AGBL1: variants seen among roughly 807,000 people sequenced by gnomAD.
AGBL1 encodes cytosolic carboxypeptidase 4.
A neutral mutation model predicts 118.9 loss-of-function variants in AGBL1; 130 were observed. That is an observed-to-expected ratio of 1.09 (90% confidence interval 0.95 to 1.26). The LOEUF (loss-of-function observed/expected upper bound fraction) is 1.26. Among genes scored for constraint, AGBL1 ranks in the 50% most tolerant of loss-of-function variants. The pLI is 0.00. For synonymous variants in AGBL1, 555 were observed against 478.9 expected, an observed-to-expected ratio of 1.16 and a Z score of -2.08; for missense variants, 1,584 against 1,298.1, an observed-to-expected ratio of 1.22 and a Z score of -3.38.
At position 86,615,187 on chromosome 15, in the gene AGBL1, C is replaced by T. The variant is rs1012670976; in HGVS notation, c.2995-59086C>T. On this transcript the variant is annotated intron_variant, in intron 21 of 22. Transcript: ENST00000614907. This position sits in a 1 kb window ranked among gnomAD's most constrained non-coding sequence, Gnocchi z 4.3. ...GAGTAATTCTAGCAGATTTGCCTTC[C>T]AGATGCCTCTGCCAGCAATGCGGGA... is the stretch of plus-strand genomic sequence containing the variant. 6.6e-6 allele frequency among the ~76,000 whole-genome samples: 1 copy of T among 152,138 alleles called. No individual in the cohort carries two copies. Among genetic ancestry groups the T allele is most frequent in the Non-Finnish European group, 1.5e-5 (1 of 68,022 alleles).
intron 18 of AGBL1, among the ~76,000 whole-genome samples, chr15:86,433,241 TCTCCTC>T (rs921701396): frequency 2.1e-5 from 3 of 142,182 alleles, no homozygotes; most frequent in East Asian, 2.4e-4. Flanking sequence ...TCCTCCTCCT[TCTCCTC>T]CTCCTCCTCC....
chr15:86,345,251 T>C (rs2080519001), intron 17 of AGBL1, among the ~76,000 whole-genome samples: 1 of 152,022 alleles, frequency 6.6e-6, no homozygotes, highest in South Asian at 2.1e-4. Context: ...AAGCTATAAC[T>C]ATTATTCAAA....
chr15:86,434,373 T>C (rs188131007), intron 18 of AGBL1, among the ~76,000 whole-genome samples: 4 of 152,334 alleles, frequency 2.6e-5, no homozygotes, highest in Admixed American at 2.6e-4. Context: ...TTGTTTAGAT[T>C]GTGAAATTGA....
chr15:86,554,689 G>T (rs538739549), intron 21 of AGBL1, among the ~76,000 whole-genome samples, 152 bp downstream of exon 21: 1 of 152,268 alleles, frequency 6.6e-6, no homozygotes, highest in East Asian at 1.9e-4. Context: ...TTCAACAATT[G>T]CTTTCACCTG....
At chr15:86,539,738 T>C (rs986150985) in intron 19 of AGBL1, among the ~76,000 whole-genome samples, 3 of 152,210 alleles carry the variant, frequency 2.0e-5, no homozygotes, top group African/African-American at 7.2e-5. Flanking sequence ...ATCTTATGTA[T>C]AACCTCCCTT....
intron 22 of AGBL1, among the ~76,000 whole-genome samples, chr15:86,873,723 A>C (rs563759044): frequency 6.6e-6 from 1 of 152,292 alleles, no homozygotes; most frequent in South Asian, 2.1e-4. Context: ...AGCCTCCAGA[A>C]TTGTGAGAAG....
intron 18 of AGBL1, among the ~76,000 whole-genome samples, chr15:86,471,018 C>T (rs1025949916): frequency 4.6e-5 from 7 of 152,012 alleles, no homozygotes; most frequent in Middle Eastern, 3.4e-3. Context: ...CTTTTATTTC[C>T]TTTTCTTGCC....
chr15:86,293,376 C>A (rs1205608426), intron 16 of AGBL1, among the ~76,000 whole-genome samples: 1 of 152,120 alleles, frequency 6.6e-6, no homozygotes, highest in Non-Finnish European at 1.5e-5. Flanking sequence ...CTTTCCTTTT[C>A]CAGCTTCTAG....
chr15:86,386,431 G>A (rs1342233992), intron 17 of AGBL1, among the ~76,000 whole-genome samples: 1 of 150,086 alleles, frequency 6.7e-6, no homozygotes, highest in East Asian at 2.0e-4. Flanking sequence ...GATTATTTGT[G>A]AGTTTTCTGG....
chr15:86,108,491 C>T (rs956703131), intron 1 of AGBL1, among the ~76,000 whole-genome samples: 1 of 152,134 alleles, frequency 6.6e-6, no homozygotes, highest in Non-Finnish European at 1.5e-5. Flanking sequence ...CAAATACCTC[C>T]TGTAGTCCCA....
rs1320074900 is a variant in AGBL1 at position 86,546,079 on chromosome 15, G to A, written c.2763G>A (p.Trp921Ter). The change falls in exon 20 of 23, where the codon TGG becomes TGA. Residue 921 changes from tryptophan to a stop codon, truncating the protein, a stop_gained. Coordinates refer to ENST00000614907, the MANE Select transcript of AGBL1 (RefSeq NM_001386094.1). LOFTEE classifies it high-confidence loss of function. ...GCTGTAGCATCAAGGAAACCTTGTG[G>A]CAAGCAGCATGCACTGTGGGCACAT... ...LYGCSIKETL[W>*]QAACTVGTST... is the part of the protein sequence containing the mutation. 1.2e-6 allele frequency: 2 copies of A among 1,613,320 alleles called. No individual in the cohort carries two copies. Among genetic ancestry groups the A allele is most frequent in the Admixed American group, 1.7e-5 (1 of 59,888 alleles).
chr15:86,142,938 T>C (rs1300768178), intron 2 of AGBL1, among the ~76,000 whole-genome samples: 1 of 152,224 alleles, frequency 6.6e-6, no homozygotes, highest in African/African-American at 2.4e-5. Flanking sequence ...GGACAAAAAA[T>C]CAGATGGTCG....
chr15:86,683,829 G>C (rs978255946), intron 22 of AGBL1, among the ~76,000 whole-genome samples: 1 of 152,162 alleles, frequency 6.6e-6, no homozygotes, highest in African/African-American at 2.4e-5. Flanking sequence ...AGCAGTTGTT[G>C]TCATTTAAGA....
At chr15:86,181,467 CTA>C (rs1408879428) in intron 5 of AGBL1, among the ~76,000 whole-genome samples, 12 of 151,784 alleles carry the variant, frequency 7.9e-5, no homozygotes, top group Non-Finnish European at 1.6e-4. Flanking sequence ...GTAAAATAAA[CTA>C]TGGTGAGAAA....
intron 19 of AGBL1, among the ~76,000 whole-genome samples, chr15:86,537,964 T>C (rs1418716944): frequency 6.6e-6 from 1 of 152,236 alleles, no homozygotes; most frequent in East Asian, 1.9e-4. Flanking sequence ...TTAGATTGTA[T>C]GTTTTTGGGT....
chr15:86,575,223 G>A lies in AGBL1; in HGVS notation c.2994+20686G>A, dbSNP rs113288954. On this transcript the variant is annotated intron_variant, in intron 21 of 22. Coordinates refer to ENST00000614907, the MANE Select transcript of AGBL1 (RefSeq NM_001386094.1). The stretch of plus-strand genomic sequence containing the variant: ...AAAAAAGTTATTGCACATGGGCTGG[G>A]TGTGGTGGTGCATGTCTGTAATTTC... Among the ~76,000 whole-genome samples the A allele has an allele frequency of 4.5e-3, 677 of 152,108 alleles. 6 individuals are homozygous for A. The highest frequency in any genetic ancestry group is 0.015 in the African/African-American group (628 of 41,528).
chr15:86,466,748 G>A (rs754746999), intron 18 of AGBL1, among the ~76,000 whole-genome samples: 32 of 152,160 alleles, frequency 2.1e-4, no homozygotes, highest in Non-Finnish European at 4.1e-4. Flanking sequence ...TAACAGTCAG[G>A]CCCTTCTTCT....
intron 21 of AGBL1, among the ~76,000 whole-genome samples, chr15:86,617,253 C>T (rs1017890208): frequency 3.3e-5 from 5 of 152,124 alleles, no homozygotes; most frequent in Admixed American, 2.0e-4. Flanking sequence ...TGCAATCTGA[C>T]GGCTGTTTGG....
intron 19 of AGBL1, among the ~76,000 whole-genome samples, chr15:86,545,319 A>G (rs1406411129): frequency 1.3e-5 from 2 of 152,206 alleles, no homozygotes; most frequent in African/African-American, 2.4e-5. Flanking sequence ...CTAGAGAAAA[A>G]TTAGAGTGAT....
Sources: gnomAD v4.1 joint callset for allele counts (sites outside exome capture counted in the v4.1 genomes callset) on GRCh38, gnomAD v4.1.1 for gene constraint, Gnocchi (gnomAD v3.1) non-coding constraint, MANE v1.5 for transcripts, NCBI Gene and HGNC (gene_info 2026-07-23, HGNC 2026-07-21) for gene names.